The following MICAL3 variants were observed in gnomAD, a reference collection of about 807,000 sequenced individuals.
MICAL3 encodes microtubule associated monooxygenase, calponin and LIM domain containing 3.
A neutral mutation model predicts 207.4 loss-of-function variants in MICAL3; 62 were observed. The observed-to-expected ratio is 0.30, with a 90% CI of 0.24 to 0.37. The LOEUF is 0.37. MICAL3 is among the 10% of genes least tolerant of loss of function. The probability of loss-of-function intolerance (pLI) is 1.00; values close to 1 mark genes in which losing one functional copy is unlikely to be tolerated. For synonymous variants in MICAL3, 1,077 were observed against 1,069.3 expected, an observed-to-expected ratio of 1.01 and a Z score of -0.14; for missense variants, 2,368 against 2,635.6, an observed-to-expected ratio of 0.90 and a Z score of 2.22.
intron 29 of MICAL3, among the ~76,000 whole-genome samples, chr22:17,799,528 T>A (rs895699989): frequency 2.0e-5 from 3 of 152,208 alleles, no homozygotes; most frequent in Non-Finnish European, 2.9e-5. Context: ...ACCAAATGTG[T>A]TGCTGACTAA....
chr22:17,871,708 G>C, intron 17 of MICAL3, 129 bp downstream of exon 17: 1 of 778,034 alleles, frequency 1.3e-6, no homozygotes. Flanking sequence ...GGCAAGAAAG[G>C]CTGGGAGAGG....
chr22:18,012,502 C>A (rs1380044842), intron 1 of MICAL3, among the ~76,000 whole-genome samples: 1 of 152,152 alleles, frequency 6.6e-6, no homozygotes, highest in Non-Finnish European at 1.5e-5. Flanking sequence ...CCTGAAGTTC[C>A]ATCATCTAAT....
intron 19 of MICAL3, among the ~76,000 whole-genome samples, chr22:17,852,026 T>C (rs928137960): frequency 5.3e-5 from 8 of 151,944 alleles, no homozygotes; most frequent in African/African-American, 1.9e-4. Flanking sequence ...CAGAGCAGAG[T>C]GCCCCTGACA....
At chr22:17,871,429 G>A (rs1197147448) in intron 17 of MICAL3, among the ~76,000 whole-genome samples, 1 of 152,220 alleles carries the variant, frequency 6.6e-6, no homozygotes, top group Non-Finnish European at 1.5e-5. Context: ...CCAGGGGCCT[G>A]AGACCCAGCT....
intron 1 of MICAL3, among the ~76,000 whole-genome samples, chr22:18,000,742 C>T (rs1222133179): frequency 1.3e-5 from 2 of 152,188 alleles, no homozygotes; most frequent in African/African-American, 4.8e-5. Context: ...TGCGATCGCC[C>T]GGCCGCGCCC....
At position 17,837,332 on chromosome 22, in the gene MICAL3, T is replaced by C. The variant is rs115408463; in HGVS notation, c.2801+4490A>G. Reference sequence around the variant, plus strand: ...AAAGAGCGGCCTTCTCTCACTTTCGTGTTATTCTGACAGACAGCAACGCCT... The same window carrying C: ...AAAGAGCGGCCTTCTCTCACTTTCGCGTTATTCTGACAGACAGCAACGCCT... On this transcript the variant is annotated intron_variant, in intron 20 of 31. Transcript: ENST00000441493. 9.9e-3 allele frequency among the ~76,000 whole-genome samples: 1,509 copies of C among 152,352 alleles called. 23 individuals are homozygous for C. Among genetic ancestry groups the C allele is most frequent in the African/African-American group, 0.033 (1,367 of 41,576 alleles).
At position 17,887,249 on chromosome 22, in the gene MICAL3, G is replaced by A; in HGVS notation, c.2005-17C>T. Reference sequence around the variant, plus strand: ...CTTTTTATCCTGTACCAAGGGAGGAGGGAAACTGCATTATTCTAGCCATAC... The same window carrying A: ...CTTTTTATCCTGTACCAAGGGAGGAAGGAAACTGCATTATTCTAGCCATAC... On this transcript the variant is annotated splice_polypyrimidine_tract_variant and intron_variant, in intron 14 of 31. Coordinates refer to ENST00000441493, the MANE Select transcript of MICAL3 (RefSeq NM_015241.3). The A allele has an allele frequency of 6.2e-7, 1 of 1,612,904 alleles. No individual in the cohort carries two copies. Among genetic ancestry groups the A allele is most frequent in the South Asian group, 1.1e-5 (1 of 90,888 alleles).
intron 19 of MICAL3, chr22:17,863,338 A>G (rs1926716381): frequency 1.0e-6 from 1 of 985,260 alleles, no homozygotes; most frequent in South Asian, 4.7e-5. Context: ...CTCTGATGAA[A>G]TAGGGCCCAG....
At chr22:17,820,039 G>A (rs1469157545) in intron 25 of MICAL3, among the ~76,000 whole-genome samples, 2 of 151,120 alleles carry the variant, frequency 1.3e-5, no homozygotes, top group East Asian at 1.9e-4. Flanking sequence ...GGCTGAGGCA[G>A]GAGGATTGCT....
chr22:18,017,972 G>T (rs529454900), intron 1 of MICAL3, among the ~76,000 whole-genome samples: 1 of 151,778 alleles, frequency 6.6e-6, no homozygotes, highest in East Asian at 2.0e-4. Context: ...GGATGGTCTC[G>T]ATCTCCTGAC....
At chr22:17,918,262 C>T (rs1932664175) in intron 1 of MICAL3, among the ~76,000 whole-genome samples, 1 of 151,156 alleles carries the variant, frequency 6.6e-6, no homozygotes, top group Non-Finnish European at 1.5e-5. Context: ...GCCTGGCGGA[C>T]AGAACGAGAC....
intron 1 of MICAL3, among the ~76,000 whole-genome samples, chr22:18,000,495 T>A (rs1922832117): frequency 6.6e-6 from 1 of 152,182 alleles, no homozygotes; most frequent in African/African-American, 2.4e-5. Context: ...CCAGACCCCT[T>A]CGTCCCGGCT....
At chr22:17,868,261 C>T (rs1488757390) in intron 17 of MICAL3, among the ~76,000 whole-genome samples, 1 of 151,874 alleles carries the variant, frequency 6.6e-6, no homozygotes, top group African/African-American at 2.4e-5. Flanking sequence ...GTCACGTGTA[C>T]GCATCTCCCC....
At chr22:17,923,595 G>A (rs1215943129) in intron 1 of MICAL3, among the ~76,000 whole-genome samples, 1 of 152,232 alleles carries the variant, frequency 6.6e-6, no homozygotes, top group Non-Finnish European at 1.5e-5. Context: ...CTCAGGTCCT[G>A]AGCTGGGCTT....
chr22:17,827,998 T>G (rs1266702023), intron 21 of MICAL3, among the ~76,000 whole-genome samples: 1 of 152,104 alleles, frequency 6.6e-6, no homozygotes, highest in African/African-American at 2.4e-5. Flanking sequence ...TTCTGCTCAT[T>G]CAGTGTGACC....
chr22:17,928,717 TTG>T (rs1485806622), intron 1 of MICAL3, among the ~76,000 whole-genome samples: 9 of 152,246 alleles, frequency 5.9e-5, no homozygotes, highest in Non-Finnish European at 1.0e-4. Context: ...GCTTTATATA[TTG>T]TGTTACATGC....
At chr22:18,000,110 A>T (rs1022041405) in intron 1 of MICAL3, among the ~76,000 whole-genome samples, 3 of 152,086 alleles carry the variant, frequency 2.0e-5, no homozygotes, top group Non-Finnish European at 4.4e-5. Flanking sequence ...TCAGCTTAAA[A>T]CCCAGTTCAT....
intron 29 of MICAL3, among the ~76,000 whole-genome samples, chr22:17,805,196 T>C (rs1424191620): frequency 6.6e-6 from 1 of 152,164 alleles, no homozygotes. Flanking sequence ...AGACTCCAGA[T>C]TATTATCATG....
intron 1 of MICAL3, among the ~76,000 whole-genome samples, chr22:17,907,894 T>C (rs1931857275): frequency 6.6e-6 from 1 of 152,212 alleles, no homozygotes; most frequent in African/African-American, 2.4e-5. Flanking sequence ...ATTTTCACCC[T>C]GAATCGAATT....
Sources: gnomAD v4.1 joint callset for allele counts (sites outside exome capture counted in the v4.1 genomes callset) on GRCh38, gnomAD v4.1.1 for gene constraint, MANE v1.5 for transcripts, NCBI Gene and HGNC (gene_info 2026-07-23, HGNC 2026-07-21) for gene names.